The following PLEKHM3 variants were observed in gnomAD, a reference collection of about 807,000 sequenced individuals.
PLEKHM3 encodes the protein pleckstrin homology domain containing M3.
In PLEKHM3, 45 loss-of-function variants were observed where a neutral mutation model predicts 81.8. That is an observed-to-expected ratio of 0.55 (90% CI 0.43 to 0.71). The LOEUF (loss-of-function observed/expected upper bound fraction) is 0.71. PLEKHM3 is among the 30% of genes least tolerant of loss of function. PLEKHM3 has a pLI of 0.00. For missense variants in PLEKHM3, 788 were observed against 924.3 expected (o/e 0.85, Z 1.91); for synonymous variants, 352 against 356.4 (o/e 0.99, Z 0.14).
intron 1 of PLEKHM3, among the ~76,000 whole-genome samples, chr2:208,015,663 A>T (rs1021668631): frequency 2.0e-5 from 3 of 152,216 alleles, no homozygotes; most frequent in Non-Finnish European, 2.9e-5. Context: ...CTGTGACTTC[A>T]TTTAGGTGAA....
At chr2:208,014,824 C>T (rs10209093) in intron 1 of PLEKHM3, among the ~76,000 whole-genome samples, 8,566 of 152,202 alleles carry the variant, frequency 0.056, 770 homozygotes, top group African/African-American at 0.19. Flanking sequence ...CCATACTTCT[C>T]GGATTGTTTT....
intron 5 of PLEKHM3, among the ~76,000 whole-genome samples, chr2:207,926,331 G>A (rs999522765): frequency 4.6e-5 from 7 of 152,204 alleles, no homozygotes; most frequent in Admixed American, 2.6e-4. Context: ...AAACTTTGTG[G>A]GGCCATCCCT....
In PLEKHM3 at chr2:207,967,722, T is replaced by C. The variant is rs115548282; in HGVS notation, c.1546+8929A>G. On this transcript the variant is annotated intron_variant, in intron 3 of 7. Transcript: ENST00000427836. ...AACCTAATAATAACAGCTAGCCTCA[T>C]ATGACATTTACTATGTGCCAGGCAG... 5.4e-3 allele frequency among the ~76,000 whole-genome samples: 829 copies of C among 152,310 alleles called. 7 individuals carry two copies. The highest frequency in any genetic ancestry group is 0.019 in the African/African-American group (787 of 41,564).
chr2:207,853,862 C>T (rs1559207969), intron 7 of PLEKHM3, among the ~76,000 whole-genome samples: 1 of 152,118 alleles, frequency 6.6e-6, no homozygotes, highest in Non-Finnish European at 1.5e-5. Context: ...CCTCCGCCTG[C>T]TGAGTTTGAG....
intron 7 of PLEKHM3, among the ~76,000 whole-genome samples, chr2:207,831,048 G>A (rs1236469858): frequency 3.3e-5 from 5 of 152,196 alleles, no homozygotes; most frequent in African/African-American, 9.6e-5. Context: ...GGGGTGCTGC[G>A]GGGCTCAGGT....
intron 7 of PLEKHM3, among the ~76,000 whole-genome samples, chr2:207,860,196 T>TGTGTGTGTGTGTGTGTGA: frequency 6.6e-6 from 1 of 151,580 alleles, no homozygotes; most frequent in African/African-American, 2.4e-5. Context: ...TGTGTGTGTG[T>TGTGTGTGTGTGTGTGTGA]GTGTGTGTGT....
At chr2:208,000,507 G>A (rs1692260207) in intron 2 of PLEKHM3, among the ~76,000 whole-genome samples, 1 of 152,062 alleles carries the variant, frequency 6.6e-6, no homozygotes, top group African/African-American at 2.4e-5. Context: ...CAATTTCAAT[G>A]GCCCATCTAT....
chr2:207,893,308 C>T (rs888003530), intron 6 of PLEKHM3, among the ~76,000 whole-genome samples: 5 of 152,220 alleles, frequency 3.3e-5, no homozygotes, highest in African/African-American at 7.2e-5. Flanking sequence ...CCAAGGAACA[C>T]CCTTCCTTCT....
intron 3 of PLEKHM3, among the ~76,000 whole-genome samples, chr2:207,964,409 CTGGGGTAG>C (rs1476566667): frequency 6.6e-6 from 1 of 152,110 alleles, no homozygotes; most frequent in Non-Finnish European, 1.5e-5. Context: ...TTGAGAGATC[CTGGGGTAG>C]ACACACTGGT....
intron 3 of PLEKHM3, among the ~76,000 whole-genome samples, chr2:207,961,733 T>C (rs1690742373): frequency 1.3e-5 from 2 of 152,116 alleles, no homozygotes; most frequent in South Asian, 4.1e-4. Context: ...AGCTGAGCAG[T>C]CCAGAGCTGG....
intron 6 of PLEKHM3, 105 bp from the exon 7 acceptor site, chr2:207,861,367 T>C: frequency 1.6e-6 from 2 of 1,243,458 alleles, no homozygotes. Context: ...CAGGAAAACC[T>C]CTAATTATAA....
At chr2:207,920,124 T>A (rs182395413) in intron 5 of PLEKHM3, among the ~76,000 whole-genome samples, 36 of 152,238 alleles carry the variant, frequency 2.4e-4, no homozygotes, top group Admixed American at 7.2e-4. Context: ...ACACCAAAGA[T>A]AGGAAGAGAT....
intron 6 of PLEKHM3, among the ~76,000 whole-genome samples, chr2:207,884,300 C>A (rs909298904): frequency 3.9e-5 from 6 of 152,096 alleles, no homozygotes; most frequent in Non-Finnish European, 8.8e-5. Flanking sequence ...TCTGCTCTCA[C>A]CACATCTATT....
chr2:207,858,181 T>TA (rs58145531), intron 7 of PLEKHM3, among the ~76,000 whole-genome samples: 1,273 of 97,030 alleles, frequency 0.013, 23 homozygotes, highest in African/African-American at 0.048. Context: ...TGTGTATATA[T>TA]TTTTTTTTTT....
intron 7 of PLEKHM3, among the ~76,000 whole-genome samples, chr2:207,839,308 T>C (rs1261363598): frequency 1.3e-5 from 2 of 152,068 alleles, no homozygotes; most frequent in African/African-American, 2.4e-5. Context: ...AAAATGCACA[T>C]TAATGTACAT....
intron 3 of PLEKHM3, among the ~76,000 whole-genome samples, chr2:207,970,951 C>T (rs1691099345): frequency 6.6e-6 from 1 of 152,204 alleles, no homozygotes; most frequent in South Asian, 2.1e-4. Flanking sequence ...GGAGTAAAAC[C>T]ATAAAATCTG....
chr2:208,021,210 AC>A (rs1199529893), intron 1 of PLEKHM3, among the ~76,000 whole-genome samples: 1 of 152,230 alleles, frequency 6.6e-6, no homozygotes, highest in African/African-American at 2.4e-5. Flanking sequence ...CTAATCAGGC[AC>A]CATTTTTTTC....
In PLEKHM3 at chr2:208,001,456, T is replaced by G. The variant is rs895284815; in HGVS notation, c.184A>C (p.Asn62His). Residue 62 changes from asparagine (N) to histidine (H), a missense_variant, in exon 2 of 8, where the codon AAT (asparagine) becomes CAT (histidine). Coordinates refer to ENST00000427836, the MANE Select transcript of PLEKHM3 (RefSeq NM_001080475.3). The stretch of plus-strand genomic sequence containing the variant: ...CCCCCCTTGCCCAGGGAGGTGACAT[T>G]TCTCATAGCACCATTGTCTGTTATG... Reference protein sequence around the residue: ...SNITDNGAMRNVTSLGKGGMI... With the variant: ...SNITDNGAMRHVTSLGKGGMI... 1 of 1,614,162 alleles carries G rather than the reference T, an allele frequency of 6.2e-7. No individual in the cohort carries two copies.
Position 207,904,155 on chromosome 2 carries a change from A to G in PLEKHM3, c.1950+4359T>C, listed in dbSNP as rs1688529133. On this transcript the variant is annotated intron_variant, in intron 6 of 7. Transcript: ENST00000427836. The stretch of plus-strand genomic sequence containing the variant: ...TCACTTCAAAAGCCACCATGCATTC[A>G]TACCTCCTCAAAGAAAGTTTGTAAG... Among the ~76,000 whole-genome samples, 3 of 152,316 alleles carry G rather than the reference A, an allele frequency of 2.0e-5. No homozygotes were observed. In the South Asian group the frequency reaches 6.2e-4, roughly 32 times the overall value.
Sources: allele counts gnomAD v4.1 joint callset (sites outside exome capture counted in the v4.1 genomes callset), GRCh38; gene constraint gnomAD v4.1.1; transcripts MANE v1.5; gene names NCBI Gene and HGNC (gene_info 2026-07-23, HGNC 2026-07-21).